The following ARHGEF18 variants were observed in gnomAD, a reference collection of about 807,000 sequenced individuals.
ARHGEF18 encodes the protein Rho/Rac guanine nucleotide exchange factor 18.
A neutral mutation model predicts 155.7 loss-of-function variants in ARHGEF18; 93 were observed. That is an observed-to-expected ratio of 0.60 (90% CI 0.50 to 0.71). The LOEUF (loss-of-function observed/expected upper bound fraction) is 0.71. Among genes scored for constraint, ARHGEF18 ranks in the 30% least tolerant of loss-of-function variants. The pLI is 0.00. For missense variants in ARHGEF18, 1,593 were observed against 1,816.1 expected (o/e 0.88, Z 2.23); for synonymous variants, 742 against 753.1 (o/e 0.99, Z 0.24).
chr19:7,398,128 A>G (rs1174018105), intron 10 of ARHGEF18, among the ~76,000 whole-genome samples: 1 of 152,070 alleles, frequency 6.6e-6, no homozygotes, highest in Non-Finnish European at 1.5e-5. Context: ...GCTGGAGTGC[A>G]GTGGTGTGAT....
rs1976959205 is a variant in ARHGEF18 at position 7,470,461 on chromosome 19, C to A, written c.*163C>A. On this transcript the variant is annotated 3_prime_UTR_variant, in exon 29 of 29. Coordinates refer to ENST00000668164, the MANE Select transcript of ARHGEF18 (RefSeq NM_001367823.1). This position sits in a 1 kb window ranked among gnomAD's most constrained non-coding sequence, Gnocchi z 5.9. ...GGGGCCAGCCTGTCGGTGCTCTGGG[C>A]CTTGCAGCTGTTTCTGTAGGGTTAG... 1.7e-6 allele frequency: 1 copy of A among 589,012 alleles called. No homozygotes were observed. The highest frequency in any genetic ancestry group is 2.5e-6 in the Non-Finnish European group (1 of 398,626). 36.5% of individuals were successfully genotyped at this position (589,012 alleles called of 1,614,324 possible).
At position 7,464,645 on chromosome 19, in the gene ARHGEF18, C is replaced by G; in HGVS notation, c.2859C>G (p.Leu953=). ...CCCCAAACAGCCCGGACTTGAAGCT[C>G]AGTGACAGTGACATTCCTGGGAGCT... is the stretch of plus-strand genomic sequence containing the variant. The part of the protein sequence containing the change: ...RGPPNSPDLK[L]SDSDIPGSSE... Residue 953 remains leucine, a synonymous_variant, in exon 23 of 29, where the codon CTC becomes CTG. Coordinates refer to ENST00000668164, the MANE Select transcript of ARHGEF18 (RefSeq NM_001367823.1). 1 of 1,614,044 alleles carries G rather than the reference C, an allele frequency of 6.2e-7. No individual in the cohort carries two copies. The highest frequency in any genetic ancestry group is 8.5e-7 in the Non-Finnish European group (1 of 1,180,008).
At chr19:7,373,754 G>A (rs906033277) in intron 3 of ARHGEF18, among the ~76,000 whole-genome samples, 4 of 151,640 alleles carry the variant, frequency 2.6e-5, no homozygotes, top group Non-Finnish European at 4.4e-5. Context: ...GATTACAGGT[G>A]TGAGCCACCG....
Position 7,470,677 on chromosome 19 carries a change from T to G in ARHGEF18, c.*379T>G, listed in dbSNP as rs1457503047. Reference sequence around the variant, plus strand: ...GAACGGTGCCGGCTCTGCACGGAGCTGAGGACAGGACAGACCTTGCTTTGA... The same window carrying G: ...GAACGGTGCCGGCTCTGCACGGAGCGGAGGACAGGACAGACCTTGCTTTGA... On this transcript the variant is annotated 3_prime_UTR_variant, in exon 29 of 29. Coordinates refer to ENST00000668164, the MANE Select transcript of ARHGEF18 (RefSeq NM_001367823.1). The surrounding 1 kb of genome is among the most constrained non-coding windows in gnomAD (Gnocchi z 5.9). The G allele has an allele frequency of 2.5e-6, 1 of 398,742 alleles. No homozygotes were observed. Among genetic ancestry groups the G allele is most frequent in the Non-Finnish European group, 4.4e-6 (1 of 225,434 alleles). The allele number at this position is 398,742 out of a possible 1,614,324, so 24.7% of individuals were successfully genotyped here.
In ARHGEF18 at chr19:7,468,900, G is replaced by T; in HGVS notation, c.3556G>T (p.Gly1186Cys). 6.3e-7 allele frequency: 1 copy of T among 1,575,042 alleles called. No individual in the cohort carries two copies. Among genetic ancestry groups the T allele is most frequent in the Non-Finnish European group, 8.6e-7 (1 of 1,160,598 alleles). ...EGPRVSMLPS[G>C]VGPEYAERPE... ...CCCTCGTGTGAGCATGCTGCCATCC[G>T]GCGTGGGGCCAGAGTACGCAGAGCG... Residue 1186 changes from glycine to cysteine, a missense_variant, in exon 27 of 29, where the codon GGC becomes TGC. Transcript: ENST00000668164.
rs752835131 is a variant in ARHGEF18 at position 7,467,410 on chromosome 19, G to A, written c.3206G>A (p.Arg1069His). 14 of 1,532,710 alleles carry A rather than the reference G, an allele frequency of 9.1e-6. No individual in the cohort carries two copies. The highest frequency in any genetic ancestry group is 5.9e-5 in the Admixed American group (3 of 50,918). The allele number at this position is 1,532,710 out of a possible 1,614,324, so 94.9% of individuals were successfully genotyped here. Reference sequence around the variant, plus strand: ...AGCCAGCTGCGGCACGAGCAGCAGCGCTGGGAGCGCGAGCGCCAGTGGCAG... The same window carrying A: ...AGCCAGCTGCGGCACGAGCAGCAGCACTGGGAGCGCGAGCGCCAGTGGCAG... ...LQSQLRHEQQ[R>H]WERERQWQHQ... The change falls in exon 26 of 29, where the codon CGC becomes CAC. Residue 1069 changes from arginine (R) to histidine (H), a missense_variant. Physicochemically the swap from Arg to His is conservative, Grantham distance 29. Transcript: ENST00000668164.
chr19:7,409,787 TGA>T (rs1972564467), intron 10 of ARHGEF18, among the ~76,000 whole-genome samples: 1 of 137,394 alleles, frequency 7.3e-6, no homozygotes, highest in Admixed American at 7.5e-5. Context: ...TTTTTTTTAT[TGA>T]GATGGAGTCT....
chr19:7,475,125 C>T (rs1301207616), downstream of ARHGEF18, among the ~76,000 whole-genome samples: 2 of 152,068 alleles, frequency 1.3e-5, no homozygotes, highest in Admixed American at 6.6e-5. Context: ...CCCAGCTACT[C>T]GGGAGGCTGA....
intron 10 of ARHGEF18, among the ~76,000 whole-genome samples, chr19:7,408,998 T>C (rs1460298747): frequency 6.6e-6 from 1 of 150,990 alleles, no homozygotes. Flanking sequence ...AGTTCGAGAC[T>C]GCAGTGAGCC....
At chr19:7,361,362 C>G (rs911202635) in intron 1 of ARHGEF18, among the ~76,000 whole-genome samples, 4 of 152,068 alleles carry the variant, frequency 2.6e-5, no homozygotes, top group Admixed American at 2.6e-4. Context: ...CACTCAAATC[C>G]CGGAGGTGGA....
intron 19 of ARHGEF18, among the ~76,000 whole-genome samples, chr19:7,459,410 G>A (rs1206075834): frequency 6.6e-6 from 1 of 151,930 alleles, no homozygotes; most frequent in Admixed American, 6.6e-5. Context: ...TGTAGAGATG[G>A]GGCCTCACTG....
chr19:7,408,753 A>G (rs1346103362), intron 10 of ARHGEF18, among the ~76,000 whole-genome samples: 1 of 152,208 alleles, frequency 6.6e-6, no homozygotes, highest in Non-Finnish European at 1.5e-5. Context: ...GATGAAAACA[A>G]CAAGACCGGC....
chr19:7,447,985 T>TAC (rs774546194), intron 15 of ARHGEF18, among the ~76,000 whole-genome samples: 2 of 152,244 alleles, frequency 1.3e-5, no homozygotes, highest in East Asian at 1.9e-4. Flanking sequence ...TACATATGTA[T>TAC]ACACACACAC....
chr19:7,386,660 G>A (rs1971097955), intron 10 of ARHGEF18, among the ~76,000 whole-genome samples: 1 of 152,062 alleles, frequency 6.6e-6, no homozygotes, highest in African/African-American at 2.4e-5. Context: ...AGGCCAGTGT[G>A]CTTGAAGTGG....
chr19:7,466,404 A>C (rs954345558), intron 23 of ARHGEF18, among the ~76,000 whole-genome samples: 10 of 149,924 alleles, frequency 6.7e-5, no homozygotes, highest in Non-Finnish European at 1.5e-4. Context: ...AAAAAAAATT[A>C]AAAATAGCTG....
intron 15 of ARHGEF18, among the ~76,000 whole-genome samples, chr19:7,449,995 A>G (rs1477609268): frequency 6.6e-6 from 1 of 152,128 alleles, no homozygotes; most frequent in Non-Finnish European, 1.5e-5. Context: ...GCCTTTGTAT[A>G]TACAGCAGGT....
In ARHGEF18 at chr19:7,453,591, G is replaced by A. The variant is rs1477901944; in HGVS notation, c.1980G>A (p.Lys660=). ...AGCGCCTCAGGGAGATCGCAGGGAA[G>A]ATGGACCTGAAGTCTTCCAGCAAAC... ...KGQRLREIAG[K]MDLKSSSKLK... Residue 660 remains lysine, a synonymous_variant, in exon 17 of 29, where the codon AAG becomes AAA. Transcript: ENST00000668164. 1.9e-6 allele frequency: 3 copies of A among 1,614,010 alleles called. No homozygotes were observed. The highest frequency in any genetic ancestry group is 2.2e-5 in the East Asian group (1 of 44,880).
At chr19:7,428,862 C>T (rs1336734520) in intron 10 of ARHGEF18, among the ~76,000 whole-genome samples, 1 of 152,222 alleles carries the variant, frequency 6.6e-6, no homozygotes, top group Non-Finnish European at 1.5e-5. Flanking sequence ...TGGCTGTGTG[C>T]TCGTGCCGCA....
intron 7 of ARHGEF18, among the ~76,000 whole-genome samples, chr19:7,380,216 C>T (rs1297357647): frequency 6.6e-6 from 1 of 151,692 alleles, no homozygotes; most frequent in Non-Finnish European, 1.5e-5. Context: ...CAGTGGCTCA[C>T]ACCTGTAATC....
Sources: allele counts gnomAD v4.1 joint callset (sites outside exome capture counted in the v4.1 genomes callset), GRCh38; gene constraint gnomAD v4.1.1; non-coding constraint Gnocchi (gnomAD v3.1); transcripts MANE v1.5; gene names NCBI Gene and HGNC (gene_info 2026-07-23, HGNC 2026-07-21).